Variants in KANK2 observed in about 807,000 individuals in gnomAD.
The protein encoded by KANK2 is KN motif and ankyrin repeat domain-containing protein 2.
KANK2 carries 41 observed loss-of-function variants against 74.6 expected under a neutral mutation model. That is an observed-to-expected ratio of 0.55 (90% CI 0.43 to 0.71). The LOEUF (loss-of-function observed/expected upper bound fraction) is 0.71, where lower values mean the gene tolerates loss of function less well. Ranked by LOEUF, KANK2 falls within the 30% of genes least tolerant of loss-of-function variation. The pLI is 0.00. For synonymous variants in KANK2, 537 were observed against 519.0 expected (o/e 1.03, Z -0.47); for missense variants, 1,148 against 1,196.4 (o/e 0.96, Z 0.60).
rs764691739 is a variant in KANK2, at chr19:11,193,242, C to T, written c.838G>A (p.Asp280Asn). The change falls in exon 4 of 13, where the codon GAT (aspartate) becomes AAT (asparagine). Residue 280 changes from aspartate (D) to asparagine (N), a missense_variant. Coordinates refer to ENST00000586659, the MANE Select transcript of KANK2 (RefSeq NM_001136191.3). The surrounding 1 kb of genome is among the most constrained non-coding windows in gnomAD (Gnocchi z 9.6). ...TTGGCGGCGAGGGCAGCCTCCCCAT[C>T]AGGCATGCCCAAGTCCCGTTCTCGA... ...WVRERDLGMP[D>N]GEAALAAKVA... 1 of 1,610,106 alleles carries T rather than the reference C, an allele frequency of 6.2e-7. No individual in the cohort carries two copies. Among genetic ancestry groups the T allele is most frequent in the Admixed American group, 1.7e-5 (1 of 60,016 alleles).
rs199747781 is a variant in KANK2, at chr19:11,166,162, TC to T, written c.*395del. On this transcript the variant is annotated 3_prime_UTR_variant, in exon 13 of 13. Transcript: ENST00000586659. ...AGTGACTTTCAAATCTGGCAACAAA[TC>T]CTAAGATTCCCACCCCCTCCTGCAA... 310 of 177,028 alleles carry T rather than the reference TC, an allele frequency of 1.8e-3. 9 individuals are homozygous for T. The South Asian group carries it at 0.023, about 13-fold the overall frequency. 11.0% of individuals were successfully genotyped at this position (177,028 alleles called of 1,614,324 possible).
chr19:11,167,635 C>T (rs2147360409), intron 12 of KANK2, among the ~76,000 whole-genome samples: 1 of 152,028 alleles, frequency 6.6e-6, no homozygotes, highest in East Asian at 1.9e-4. Flanking sequence ...TCAAGCAATT[C>T]TCATGCCTCA....
Position 11,193,308 on chromosome 19 carries a change from C to T in KANK2, c.772G>A (p.Asp258Asn). 6.2e-7 allele frequency: 1 copy of T among 1,612,562 alleles called. No individual in the cohort carries two copies. Among genetic ancestry groups the T allele is most frequent in the Non-Finnish European group, 8.5e-7 (1 of 1,179,944 alleles). The change falls in exon 4 of 13, where the codon GAC (aspartate) becomes AAC (asparagine). Residue 258 changes from aspartate to asparagine, a missense_variant. By Grantham distance (23) the Asp-to-Asn change is conservative. Coordinates refer to ENST00000586659, the MANE Select transcript of KANK2 (RefSeq NM_001136191.3). This position sits in a 1 kb window ranked among gnomAD's most constrained non-coding sequence, Gnocchi z 9.6. ...CTCCGGGTCTCCAGTGCCACTGGGT[C>T]CTCTGGGGGATCGGGGAGGTCCAGG... is the stretch of plus-strand genomic sequence containing the variant. The part of the protein sequence containing the change: ...LCLDLPDPPE[D>N]PVALETRSVG...
chr19:11,194,736 G>C (rs8101045), intron 2 of KANK2, 146 bp from the exon 3 acceptor site: 1 of 500,358 alleles, frequency 2.0e-6, no homozygotes, highest in African/African-American at 2.0e-5. Context: ...GCCTGGCTGC[G>C]GAAGGGCCCC....
intron 4 of KANK2, among the ~76,000 whole-genome samples, chr19:11,180,610 A>C (rs562756660): frequency 2.5e-4 from 38 of 152,182 alleles, no homozygotes; most frequent in Non-Finnish European, 4.7e-4. Context: ...ACCATGCCAG[A>C]GCCAAGGCTT....
In KANK2 at chr19:11,193,029, CG is replaced by C; in HGVS notation, c.1050del (p.Ala351HisfsTer14). On this transcript the variant is annotated frameshift_variant, in exon 4 of 13. Transcript: ENST00000586659. LOFTEE classifies it high-confidence loss of function. The surrounding 1 kb of genome is among the most constrained non-coding windows in gnomAD (Gnocchi z 9.6). The stretch of plus-strand genomic sequence containing the variant: ...GGCTCCAGGCTCTGGGCCCGCTGTG[CG>C]GGGGCGCCAGCGGCTGTGCTGGCCA... ...EVVASTAAGA[P>X]AQRAQSLEPY... is the part of the protein sequence containing the mutation. 6.2e-7 allele frequency: 1 copy of C among 1,612,034 alleles called. No individual in the cohort carries two copies. The highest frequency in any genetic ancestry group is 8.5e-7 in the Non-Finnish European group (1 of 1,179,198).
chr19:11,195,404 G>A (rs930392820), intron 2 of KANK2, among the ~76,000 whole-genome samples: 1 of 152,144 alleles, frequency 6.6e-6, no homozygotes, highest in African/African-American at 2.4e-5. Flanking sequence ...TTGGAGGCCG[G>A]CCAGGGCTCT....
intron 4 of KANK2, among the ~76,000 whole-genome samples, chr19:11,190,106 C>A (rs11882817): frequency 0.028 from 4,187 of 151,580 alleles, 192 homozygotes; most frequent in African/African-American, 0.097. Flanking sequence ...GCTGCAGATT[C>A]AAGCTGTCCT....
At chr19:11,183,526 T>C (rs2078588315) in intron 4 of KANK2, among the ~76,000 whole-genome samples, 1 of 152,210 alleles carries the variant, frequency 6.6e-6, no homozygotes, top group Non-Finnish European at 1.5e-5. Flanking sequence ...TCTCACTCTG[T>C]TGTCCAGGCT....
At position 11,178,410 on chromosome 19, in the gene KANK2, C is replaced by A; in HGVS notation, c.1455G>T (p.Arg485=). ...PPAGVRSIMK[R]KEEVADPTAH... is the part of the protein sequence containing the mutation. The stretch of plus-strand genomic sequence containing the variant: ...CCGTGGGGTCTGCAACCTCCTCTTT[C>A]CGTTTCATGATAGATCGCACGCCTG... Residue 485 remains arginine (R), a synonymous_variant, in exon 6 of 13, where the codon CGG becomes CGT. Transcript: ENST00000586659. 6.3e-7 allele frequency: 1 copy of A among 1,580,968 alleles called. No individual in the cohort carries two copies. Among genetic ancestry groups the A allele is most frequent in the Non-Finnish European group, 8.6e-7 (1 of 1,168,466 alleles).
At chr19:11,186,798 C>G (rs17766560) in intron 4 of KANK2, among the ~76,000 whole-genome samples, 7 of 152,106 alleles carry the variant, frequency 4.6e-5, no homozygotes, top group Non-Finnish European at 7.4e-5. Flanking sequence ...GTTAGGAGTG[C>G]GGATAGGGAC....
chr19:11,176,834 G>A lies in KANK2; in HGVS notation c.1521-17C>T, dbSNP rs746458095. ...GACTCATACCTGGGGAGGAACGAGC[G>A]GGGAGGGGGAGATGCTGCAGGTGGG... On this transcript the variant is annotated splice_polypyrimidine_tract_variant and intron_variant, in intron 6 of 12. Coordinates refer to ENST00000586659, the MANE Select transcript of KANK2 (RefSeq NM_001136191.3). 8.7e-6 allele frequency: 13 copies of A among 1,494,972 alleles called. No homozygotes were observed. The highest frequency in any genetic ancestry group is 2.8e-5 in the African/African-American group (2 of 71,282). The allele number at this position is 1,494,972 out of a possible 1,614,324, so 92.6% of individuals were successfully genotyped here. A position where few individuals can be genotyped will look rare whatever the true frequency, so the allele number is the denominator to read the frequency against.
Position 11,193,101 on chromosome 19 carries a change from C to T in KANK2, c.979G>A (p.Val327Met), listed in dbSNP as rs377628737. The part of the protein sequence containing the change: ...AWPPPDSPVR[V>M]DTVRVVEGPR... ...CCTTCTACCACCCGGACTGTATCCA[C>T]GCGGACCGGGCTGTCCGGCGGTGGC... is the stretch of plus-strand genomic sequence containing the variant. Residue 327 changes from valine (V) to methionine (M), a missense_variant, in exon 4 of 13, where the codon GTG (valine) becomes ATG (methionine). Physicochemically the swap from Val to Met is conservative, Grantham distance 21. Transcript: ENST00000586659. This position sits in a 1 kb window ranked among gnomAD's most constrained non-coding sequence, Gnocchi z 9.6. 6.2e-6 allele frequency: 10 copies of T among 1,607,088 alleles called. No individual in the cohort carries two copies. Among genetic ancestry groups the T allele is most frequent in the East Asian group, 2.2e-5 (1 of 44,692 alleles).
chr19:11,173,447 G>A (rs2078236078), intron 9 of KANK2, among the ~76,000 whole-genome samples: 1 of 151,990 alleles, frequency 6.6e-6, no homozygotes, highest in African/African-American at 2.4e-5. Context: ...TCAGATTGTG[G>A]GCCCTGAGTC....
rs71164165 is a variant in KANK2, at chr19:11,194,758, TC to T, written c.-79-169del. 6.9e-4 allele frequency: 205 copies of T among 297,320 alleles called. No homozygotes were observed. In the African/African-American group the frequency reaches 9.7e-3, roughly 14 times the overall value. 18.4% of individuals were successfully genotyped at this position (297,320 alleles called of 1,614,324 possible). A position where few individuals can be genotyped will look rare whatever the true frequency, so the allele number is the denominator to read the frequency against. The stretch of plus-strand genomic sequence containing the variant: ...TGCGGAAGGGCCCCCCCCGACCCCC[TC>T]CCCCCCGCAGGTCTGGAACAAAGAA... On this transcript the variant is annotated intron_variant, in intron 2 of 12. Coordinates refer to ENST00000586659, the MANE Select transcript of KANK2 (RefSeq NM_001136191.3).
rs937560720 is a variant in KANK2, at chr19:11,174,422, G to A, written c.2068+51C>T. On this transcript the variant is annotated intron_variant, in intron 9 of 12. Transcript: ENST00000586659. ...GTGTCTTCCCTATCAGACTGGGCAT[G>A]GCGGACAGCTGGCTGGTTTAGAGCC... 7 of 1,443,590 alleles carry A rather than the reference G, an allele frequency of 4.8e-6. No homozygotes were observed. The African/African-American group carries it at 9.9e-5, about 20-fold the overall frequency. The allele number at this position is 1,443,590 out of a possible 1,614,324, so 89.4% of individuals were successfully genotyped here.
intron 8 of KANK2, 121 bp from the exon 9 acceptor site, chr19:11,174,813 G>A: frequency 1.3e-6 from 1 of 754,492 alleles, no homozygotes; most frequent in Admixed American, 2.2e-5. Context: ...CGATCTCAAG[G>A]GAAGTGCAGA....
rs1489305561 is a variant in KANK2 at position 11,169,888 on chromosome 19, T to C, written c.2491A>G (p.Ile831Val). 2 of 1,613,942 alleles carry C rather than the reference T, an allele frequency of 1.2e-6. No individual in the cohort carries two copies. Among genetic ancestry groups the C allele is most frequent in the South Asian group, 1.1e-5 (1 of 91,088 alleles). The change falls in exon 12 of 13, where the codon ATC (isoleucine) becomes GTC (valine). Residue 831 changes from isoleucine to valine, a missense_variant. By Grantham distance (29) the Ile-to-Val change is conservative. Coordinates refer to ENST00000586659, the MANE Select transcript of KANK2 (RefSeq NM_001136191.3). ...IASMLYSRMN[I>V]KCSFAPMSDD... The stretch of plus-strand genomic sequence containing the variant: ...GGATTGAGACTCACCGAGCACTTGA[T>C]GTTCATGCGGGAATACAGCATGGAC...
At chr19:11,194,810 ATCTGT>A (rs2078970059) in intron 2 of KANK2, 2 of 325,198 alleles carry the variant, frequency 6.2e-6, no homozygotes, top group Admixed American at 8.0e-5. Flanking sequence ...CTGCTTGCAC[ATCTGT>A]CCAGGCCCTG....
Sources: allele counts gnomAD v4.1 joint callset (sites outside exome capture counted in the v4.1 genomes callset), GRCh38; gene constraint gnomAD v4.1.1; non-coding constraint Gnocchi (gnomAD v3.1); transcripts MANE v1.5; gene names NCBI Gene and HGNC (gene_info 2026-07-23, HGNC 2026-07-21).